SSH2: variants seen among roughly 807,000 people sequenced by gnomAD.
SSH2 encodes the protein slingshot protein phosphatase 2, also known as protein phosphatase Slingshot homolog 2.
SSH2 carries 37 observed loss-of-function variants against 135.2 expected under a neutral mutation model. The observed-to-expected ratio is 0.27, with a 90% CI of 0.21 to 0.36. SSH2 has a LOEUF of 0.36. SSH2 is among the 10% of genes least tolerant of loss of function. SSH2 has a pLI of 1.00. For synonymous variants in SSH2, 628 were observed against 646.2 expected (o/e 0.97, Z 0.43); for missense variants, 1,408 against 1,765.3 (o/e 0.80, Z 3.63).
chr17:29,859,755 C>T (rs8079209), intron 1 of SSH2, among the ~76,000 whole-genome samples: 73,883 of 152,084 alleles, frequency 0.49, 18,652 homozygotes, highest in East Asian at 0.69. Context: ...AATGAACATA[C>T]ACATGCATGT....
intron 8 of SSH2, among the ~76,000 whole-genome samples, chr17:29,675,577 T>C (rs1864428830): frequency 6.6e-6 from 1 of 151,880 alleles, no homozygotes; most frequent in African/African-American, 2.4e-5. Context: ...GAGGACGGCT[T>C]GAGGCCAGGA....
rs1005862277 is a variant in SSH2, at chr17:29,638,359, T to TA, written c.1428-1558dup. ...ATGATATACAAGGTATACTATTCAG[T>TA]AAAAAAAAAAACCTCAAACACATTT... On this transcript the variant is annotated intron_variant, in intron 14 of 15. Coordinates refer to ENST00000540801, the MANE Select transcript of SSH2 (RefSeq NM_001282129.2). Among the ~76,000 whole-genome samples, 836 of 142,020 alleles carry TA rather than the reference T, an allele frequency of 5.9e-3. 6 individuals carry two copies. The highest frequency in any genetic ancestry group is 0.017 in the African/African-American group (644 of 38,816). The allele number at this position is 142,020 out of a possible 152,430, so 93.2% of individuals were successfully genotyped here.
chr17:29,648,437 C>T lies in SSH2; in HGVS notation c.1227-93G>A, dbSNP rs576464925. ...TCTAGATTTTTCCAAGTGTCCTGTCCTGCTCTTCCATTTTCTTGCTATGCA... is the reference window on the plus strand; with the variant it reads ...TCTAGATTTTTCCAAGTGTCCTGTCTTGCTCTTCCATTTTCTTGCTATGCA... On this transcript the variant is annotated intron_variant, in intron 13 of 15. Transcript: ENST00000540801. 5 of 1,001,116 alleles carry T rather than the reference C, an allele frequency of 5.0e-6. No individual in the cohort carries two copies. The East Asian group carries it at 1.3e-4, about 26-fold the overall frequency. 62.0% of individuals were successfully genotyped at this position (1,001,116 alleles called of 1,614,324 possible). A position where few individuals can be genotyped will look rare whatever the true frequency, so the allele number is the denominator to read the frequency against.
intron 2 of SSH2, among the ~76,000 whole-genome samples, chr17:29,819,080 G>T (rs1463781609): frequency 3.9e-5 from 6 of 152,084 alleles, no homozygotes; most frequent in African/African-American, 1.4e-4. Flanking sequence ...TACAAAATTA[G>T]CTGGGTGTGG....
intron 1 of SSH2, among the ~76,000 whole-genome samples, chr17:29,909,926 T>C (rs935898425): frequency 2.6e-5 from 4 of 152,154 alleles, no homozygotes; most frequent in Admixed American, 2.6e-4. Flanking sequence ...TCTTAGAGTT[T>C]TATTCTATCA....
intron 1 of SSH2, among the ~76,000 whole-genome samples, chr17:29,851,632 G>T (rs1388967045): frequency 6.6e-6 from 1 of 151,828 alleles, no homozygotes; most frequent in Non-Finnish European, 1.5e-5. Context: ...GATAAAAACT[G>T]GAGAGAGCTT....
chr17:29,745,779 A>G (rs1448808089), intron 3 of SSH2, among the ~76,000 whole-genome samples: 2 of 152,138 alleles, frequency 1.3e-5, no homozygotes, highest in Non-Finnish European at 2.9e-5. Flanking sequence ...AAGCTACCAT[A>G]TCGTATTTAA....
rs570298394 is a variant in SSH2 at position 29,897,588 on chromosome 17, T to C, written c.63+32350A>G. On this transcript the variant is annotated intron_variant, in intron 1 of 15. Coordinates refer to ENST00000540801, the MANE Select transcript of SSH2 (RefSeq NM_001282129.2). ...AACAAGAAGAGCTAACTATCCTAAA[T>C]ATATATGCACCCAATACAGGAGCAC... 2.6e-5 allele frequency among the ~76,000 whole-genome samples: 4 copies of C among 152,250 alleles called. No homozygotes were observed. In the East Asian group the frequency reaches 7.7e-4, roughly 29 times the overall value.
At chr17:29,919,903 G>GATTT (rs1295930063) in intron 1 of SSH2, among the ~76,000 whole-genome samples, 11 of 151,948 alleles carry the variant, frequency 7.2e-5, no homozygotes, top group Non-Finnish European at 1.0e-4. Context: ...AACCAGGAGT[G>GATTT]ATTTATTTAT....
At chr17:29,716,289 C>T (rs1183920267) in intron 3 of SSH2, 4 of 419,122 alleles carry the variant, frequency 9.5e-6, no homozygotes, top group East Asian at 1.1e-4. Flanking sequence ...CAGTTGAACC[C>T]AGGTACCTTT....
At chr17:29,837,078 G>A (rs2042955003) in intron 2 of SSH2, among the ~76,000 whole-genome samples, 1 of 152,062 alleles carries the variant, frequency 6.6e-6, no homozygotes, top group African/African-American at 2.4e-5. Flanking sequence ...CCAACATAGT[G>A]AAACCCATTC....
chr17:29,686,843 A>T (rs948253469), intron 5 of SSH2, among the ~76,000 whole-genome samples: 1 of 151,080 alleles, frequency 6.6e-6, no homozygotes, highest in African/African-American at 2.4e-5. Context: ...TAATTTTTGT[A>T]TTTTTATAGA....
intron 1 of SSH2, among the ~76,000 whole-genome samples, chr17:29,895,279 TATTTTATATATAC>T (rs1337505797): frequency 2.4e-5 from 3 of 125,662 alleles, no homozygotes; most frequent in South Asian, 2.3e-4. Context: ...ATATAAAATA[TATTTTATATATAC>T]ATTTTATATA....
intron 3 of SSH2, among the ~76,000 whole-genome samples, chr17:29,709,015 T>TATATATATATATATATATATAGAGAGAG (rs780981175): frequency 2.5e-5 from 2 of 81,594 alleles, no homozygotes; most frequent in African/African-American, 8.2e-5. Flanking sequence ...TATATATATA[T>TATATATATATATATATATATAGAGAGAG]AGAGAGAGAG....
At chr17:29,707,076 C>T (rs2039234737) in intron 3 of SSH2, 1 of 151,780 alleles carries the variant, frequency 6.6e-6, no homozygotes, top group South Asian at 2.1e-4. Flanking sequence ...TGGCGTGAAC[C>T]CGGGAGGCGG....
intron 4 of SSH2, 63 bp downstream of exon 4, chr17:29,702,896 C>T (rs1322014269): frequency 4.0e-6 from 5 of 1,248,294 alleles, no homozygotes; most frequent in Non-Finnish European, 5.9e-6. Flanking sequence ...AGGTAGTCAA[C>T]CTTTTAGAAT....
At chr17:29,813,219 C>T (rs1307603921) in intron 2 of SSH2, among the ~76,000 whole-genome samples, 1 of 151,682 alleles carries the variant, frequency 6.6e-6, no homozygotes, top group Admixed American at 6.6e-5. Flanking sequence ...CCCATCTCTA[C>T]TAAAAATACA....
Position 29,667,241 on chromosome 17 carries a change from A to T in SSH2, c.810-18T>A. ...CAGTAGGTCTGAGAAGAGAGAAATA[A>T]CGATTATTCTTAAACGATATTCTTA... On this transcript the variant is annotated intron_variant, in intron 9 of 15. Transcript: ENST00000540801. 1 of 1,435,994 alleles carries T rather than the reference A, an allele frequency of 7.0e-7. No individual in the cohort carries two copies. Among genetic ancestry groups the T allele is most frequent in the Non-Finnish European group, 9.7e-7 (1 of 1,029,392 alleles). The allele number at this position is 1,435,994 out of a possible 1,614,324, so 89.0% of individuals were successfully genotyped here.
At chr17:29,673,910 T>A in intron 8 of SSH2, 1 of 326,692 alleles carries the variant, frequency 3.1e-6, no homozygotes, top group South Asian at 2.5e-5. Context: ...ATTTACTAAT[T>A]CTATTTTTCA....
Sources: allele counts gnomAD v4.1 joint callset (sites outside exome capture counted in the v4.1 genomes callset), GRCh38; gene constraint gnomAD v4.1.1; transcripts MANE v1.5; gene names NCBI Gene and HGNC (gene_info 2026-07-23, HGNC 2026-07-21).